The following FSHR variants were observed in gnomAD, a reference collection of about 807,000 sequenced individuals.
FSHR encodes follicle-stimulating hormone receptor.
A neutral mutation model predicts 52.1 loss-of-function variants in FSHR; 46 were observed. The observed-to-expected ratio is 0.88, with a 90% CI of 0.70 to 1.13. The LOEUF is 1.13. FSHR is among the 50% of genes most tolerant of loss of function. The pLI is 0.00. For synonymous variants in FSHR, 399 were observed against 309.6 expected, an observed-to-expected ratio of 1.29 and a Z score of -3.03; for missense variants, 964 against 834.6, an observed-to-expected ratio of 1.16 and a Z score of -1.91.
At chr2:49,048,876 G>A (rs919362250) in intron 2 of FSHR, among the ~76,000 whole-genome samples, 2 of 152,168 alleles carry the variant, frequency 1.3e-5, no homozygotes, top group Admixed American at 1.3e-4. Context: ...TTTGTTGGAA[G>A]GTGGACAGGC....
chr2:49,080,527 G>C (rs1369079809), intron 1 of FSHR, among the ~76,000 whole-genome samples: 3 of 152,086 alleles, frequency 2.0e-5, no homozygotes, highest in African/African-American at 7.2e-5. Context: ...AGTAAACTGA[G>C]CTGCATGCAA....
At chr2:49,027,850 CAAA>C (rs397868435) in intron 2 of FSHR, among the ~76,000 whole-genome samples, 3 of 49,968 alleles carry the variant, frequency 6.0e-5, no homozygotes, top group Admixed American at 2.2e-4. Flanking sequence ...ACTCTTTCTC[CAAA>C]AAAAAAAAAA....
In FSHR at chr2:49,056,326, C is replaced by T. The variant is rs575258111; in HGVS notation, c.224+11893G>A. On this transcript the variant is annotated intron_variant, in intron 2 of 9. Coordinates refer to ENST00000406846, the MANE Select transcript of FSHR (RefSeq NM_000145.4). Reference sequence around the variant, plus strand: ...CTTATAAACAAAACCCTAAAGTGAGCAGGAATAGCTATACTTACATCAGAA... The same window carrying T: ...CTTATAAACAAAACCCTAAAGTGAGTAGGAATAGCTATACTTACATCAGAA... Among the ~76,000 whole-genome samples, 26 of 151,228 alleles carry T rather than the reference C, an allele frequency of 1.7e-4. No homozygotes were observed. The East Asian group carries it at 5.0e-3, about 29-fold the overall frequency.
intron 2 of FSHR, among the ~76,000 whole-genome samples, chr2:49,022,886 C>T (rs1166587603): frequency 6.6e-6 from 1 of 152,158 alleles, no homozygotes; most frequent in East Asian, 1.9e-4. Flanking sequence ...TTCTCAAATG[C>T]TAACACACAT....
In FSHR at chr2:48,963,592, C is replaced by T; in HGVS notation, c.1229G>A (p.Cys410Tyr). Residue 410 changes from cysteine to tyrosine, a missense_variant, in exon 10 of 10, where the codon TGC (cysteine) becomes TAC (tyrosine). Physicochemically the swap from Cys to Tyr is radical, Grantham distance 194 (BLOSUM62 -2). Transcript: ENST00000406846. ...AATGAGCAGCAGGTAGATTCCAATG[C>T]AGAGATCAGCAAAGGCCAGGTTGCA... The part of the protein sequence containing the change: ...LMCNLAFADL[C>Y]IGIYLLLIAS... The T allele has an allele frequency of 6.2e-7, 1 of 1,614,134 alleles. No homozygotes were observed. Among genetic ancestry groups the T allele is most frequent in the Admixed American group, 1.7e-5 (1 of 60,020 alleles).
intron 1 of FSHR, among the ~76,000 whole-genome samples, chr2:49,078,186 G>A (rs1201280610): frequency 6.6e-6 from 1 of 152,210 alleles, no homozygotes; most frequent in Non-Finnish European, 1.5e-5. Context: ...GGCTGAGGAG[G>A]CCTCACAATC....
At chr2:48,971,477 T>C (rs1197765339) in intron 8 of FSHR, among the ~76,000 whole-genome samples, 1 of 152,214 alleles carries the variant, frequency 6.6e-6, no homozygotes, top group Non-Finnish European at 1.5e-5. Flanking sequence ...GGGTTAGTAG[T>C]GGTTACTATT....
chr2:49,041,664 C>T (rs544087074), intron 2 of FSHR, among the ~76,000 whole-genome samples: 9 of 151,960 alleles, frequency 5.9e-5, no homozygotes, highest in Non-Finnish European at 8.8e-5. Flanking sequence ...GAAGGGAATC[C>T]AAGGAGATCT....
chr2:49,134,982 G>T (rs1672434631), intron 1 of FSHR, among the ~76,000 whole-genome samples: 1 of 152,096 alleles, frequency 6.6e-6, no homozygotes, highest in African/African-American at 2.4e-5. Context: ...GAGTTAGTGG[G>T]TGCAGCACAG....
At chr2:49,078,890 G>T (rs1251559929) in intron 1 of FSHR, among the ~76,000 whole-genome samples, 1 of 152,006 alleles carries the variant, frequency 6.6e-6, no homozygotes, top group East Asian at 1.9e-4. Flanking sequence ...GAAAGAAAAA[G>T]ATACGTCATA....
At chr2:49,072,984 G>T (rs1184481110) in intron 1 of FSHR, among the ~76,000 whole-genome samples, 4 of 151,940 alleles carry the variant, frequency 2.6e-5, no homozygotes, top group African/African-American at 4.8e-5. Flanking sequence ...AATTCAAAAG[G>T]TATGTGCACA....
chr2:49,089,821 T>C (rs1361638663), intron 1 of FSHR, among the ~76,000 whole-genome samples: 1 of 152,210 alleles, frequency 6.6e-6, no homozygotes, highest in Non-Finnish European at 1.5e-5. Flanking sequence ...TGAAAAATGA[T>C]AGTGGAGAGC....
At chr2:49,009,570 A>G (rs1254721728) in intron 4 of FSHR, among the ~76,000 whole-genome samples, 1 of 142,486 alleles carries the variant, frequency 7.0e-6, no homozygotes, top group Non-Finnish European at 1.5e-5. Flanking sequence ...GAAGAAAGGC[A>G]TTGGTAGCTT....
intron 2 of FSHR, among the ~76,000 whole-genome samples, chr2:49,034,233 C>T (rs1428841251): frequency 6.6e-6 from 1 of 152,164 alleles, no homozygotes; most frequent in Non-Finnish European, 1.5e-5. Context: ...AGGAGGAAGC[C>T]AGTTCTAACA....
chr2:49,075,377 G>A (rs1419531769), intron 1 of FSHR, among the ~76,000 whole-genome samples: 5 of 151,684 alleles, frequency 3.3e-5, no homozygotes. Context: ...CTTGAGAGAG[G>A]AAACCTAAAA....
intron 1 of FSHR, among the ~76,000 whole-genome samples, chr2:49,075,910 G>A (rs1315809436): frequency 6.6e-6 from 1 of 152,104 alleles, no homozygotes; most frequent in Non-Finnish European, 1.5e-5. Context: ...AAAGTGCTGG[G>A]ATTACAGGCA....
intron 9 of FSHR, among the ~76,000 whole-genome samples, chr2:48,964,430 C>T (rs1198725334): frequency 2.0e-5 from 3 of 152,204 alleles, no homozygotes; most frequent in Admixed American, 2.0e-4. Context: ...CTCTTATCTA[C>T]ATAAATTAGG....
At chr2:48,986,505 T>G (rs1675522978) in intron 6 of FSHR, among the ~76,000 whole-genome samples, 3 of 151,794 alleles carry the variant, frequency 2.0e-5, no homozygotes, top group African/African-American at 7.3e-5. Context: ...GTGTTAAGTA[T>G]GAATTACATG....
At chr2:49,089,221 G>C (rs1356214027) in intron 1 of FSHR, among the ~76,000 whole-genome samples, 2 of 152,040 alleles carry the variant, frequency 1.3e-5, no homozygotes, top group African/African-American at 4.8e-5. Context: ...ATTTCGACAG[G>C]GAGAAAGATT....
Sources: allele counts gnomAD v4.1 joint callset (sites outside exome capture counted in the v4.1 genomes callset), GRCh38; gene constraint gnomAD v4.1.1; transcripts MANE v1.5; gene names NCBI Gene and HGNC (gene_info 2026-07-23, HGNC 2026-07-21).